KIAA1549L: variants seen among roughly 807,000 people sequenced by gnomAD.
The protein encoded by KIAA1549L is KIAA1549 like, also known as UPF0606 protein KIAA1549L.
KIAA1549L carries 88 observed loss-of-function variants against 160.7 expected under a neutral mutation model. The ratio of observed to expected loss-of-function variants is 0.55; its 90% CI spans 0.46 to 0.65. KIAA1549L has a LOEUF of 0.65. Ranked by LOEUF, KIAA1549L falls within the 30% of genes least tolerant of loss-of-function variation. KIAA1549L has a pLI of 0.00. For missense variants in KIAA1549L, 2,258 were observed against 2,437.5 expected (o/e 0.93, Z 1.55); for synonymous variants, 950 against 976.7 (o/e 0.97, Z 0.51).
At chr11:33,469,600 G>A (rs1294632719) in intron 1 of KIAA1549L, among the ~76,000 whole-genome samples, 4 of 152,188 alleles carry the variant, frequency 2.6e-5, no homozygotes, top group Non-Finnish European at 5.9e-5. Flanking sequence ...CTACCAAACT[G>A]TTTTGCAAAG....
chr11:33,600,398 A>G (rs1850325486), intron 13 of KIAA1549L, among the ~76,000 whole-genome samples: 1 of 152,104 alleles, frequency 6.6e-6, no homozygotes, highest in African/African-American at 2.4e-5. Context: ...GTGATAAGAG[A>G]GATGGGTAGA....
intron 1 of KIAA1549L, among the ~76,000 whole-genome samples, chr11:33,444,482 T>G (rs998654275): frequency 1.3e-5 from 2 of 152,224 alleles, no homozygotes; most frequent in Admixed American, 1.3e-4. Context: ...GCACTGGTAA[T>G]TGGTGTCAGC....
chr11:33,578,583 A>G (rs1474473066), intron 10 of KIAA1549L, among the ~76,000 whole-genome samples: 9 of 152,176 alleles, frequency 5.9e-5, no homozygotes, highest in Non-Finnish European at 1.0e-4. Context: ...CATTTTAGAA[A>G]AATACTTGCT....
intron 16 of KIAA1549L, among the ~76,000 whole-genome samples, chr11:33,642,520 A>G (rs1363002809): frequency 6.7e-6 from 1 of 149,814 alleles, no homozygotes; most frequent in Non-Finnish European, 1.5e-5. Flanking sequence ...TCGTTCCCCT[A>G]TTGGCTAAGG....
At chr11:33,629,882 A>C (rs1228319641) in intron 16 of KIAA1549L, among the ~76,000 whole-genome samples, 2 of 88,838 alleles carry the variant, frequency 2.3e-5, no homozygotes, top group Non-Finnish European at 4.1e-5. Context: ...TAGAGTTTCC[A>C]GTTTTTCTGC....
At chr11:33,467,314 A>G (rs1852084231) in intron 1 of KIAA1549L, among the ~76,000 whole-genome samples, 1 of 152,222 alleles carries the variant, frequency 6.6e-6, no homozygotes, top group African/African-American at 2.4e-5. Flanking sequence ...TTGTTCCATA[A>G]TAAGGCATGT....
chr11:33,651,894 C>CCCCTT (rs2133421587), intron 17 of KIAA1549L, among the ~76,000 whole-genome samples: 1 of 76,856 alleles, frequency 1.3e-5, no homozygotes, highest in East Asian at 6.4e-4. Context: ...CTCCCCTCCC[C>CCCCTT]CCCTTCCCCT....
chr11:33,645,832 C>T lies in KIAA1549L; in HGVS notation c.5556C>T (p.His1852=), dbSNP rs769680839. The T allele has an allele frequency of 1.8e-5, 29 of 1,613,802 alleles. No individual in the cohort carries two copies. The East Asian group carries it at 6.0e-4, about 33-fold the overall frequency. Residue 1852 remains histidine, a synonymous_variant, in exon 17 of 21, where the codon CAC becomes CAT. Coordinates refer to ENST00000658780, the MANE Select transcript of KIAA1549L (RefSeq NM_012194.3). ...TCGACGAGGTCAGGCAGCAGATGCACATGCTGCTGGAGGAGGCCTTCAGCC... is the reference window on the plus strand; with the variant it reads ...TCGACGAGGTCAGGCAGCAGATGCATATGCTGCTGGAGGAGGCCTTCAGCC... ...PSIDEVRQQM[H]MLLEEAFSLA...
At chr11:33,643,087 C>T (rs748750971) in intron 16 of KIAA1549L, among the ~76,000 whole-genome samples, 11 of 152,146 alleles carry the variant, frequency 7.2e-5, no homozygotes, top group Non-Finnish European at 1.2e-4. Context: ...GTGGCCGCAT[C>T]AAGCCTGTGG....
rs757475102 is a variant in KIAA1549L, at chr11:33,568,186, C to A, written c.4189C>A (p.Arg1397=). ...LFMMSQQQGR[R]FKRATTLGSY... ...CATGATGTCCCAGCAACAAGGCCGG[C>A]GGTTTAAACGGGCCACCACCCTGGG... Residue 1397 remains arginine (R), a synonymous_variant, in exon 9 of 21, where the codon CGG becomes AGG. Coordinates refer to ENST00000658780, the MANE Select transcript of KIAA1549L (RefSeq NM_012194.3). 3.7e-6 allele frequency: 6 copies of A among 1,613,222 alleles called. 1 individual carries two copies. The South Asian group carries it at 6.6e-5, about 18-fold the overall frequency.
At chr11:33,400,759 C>T (rs1389026818) in intron 1 of KIAA1549L, among the ~76,000 whole-genome samples, 1 of 152,210 alleles carries the variant, frequency 6.6e-6, no homozygotes, top group Admixed American at 6.5e-5. Context: ...ATAGTTTCCA[C>T]TTATTCTGCC....
At chr11:33,534,411 G>T (rs1853846369) in intron 1 of KIAA1549L, among the ~76,000 whole-genome samples, 2 of 151,872 alleles carry the variant, frequency 1.3e-5, no homozygotes, top group Non-Finnish European at 2.9e-5. Context: ...CAATTTTTTT[G>T]AAGACTATTA....
At chr11:33,556,616 A>G (rs910454405) in intron 6 of KIAA1549L, among the ~76,000 whole-genome samples, 1 of 152,244 alleles carries the variant, frequency 6.6e-6, no homozygotes, top group Admixed American at 6.5e-5. Flanking sequence ...CAAATACTAT[A>G]TGATTTCTCT....
intron 16 of KIAA1549L, among the ~76,000 whole-genome samples, chr11:33,636,699 ATTG>A (rs1443416760): frequency 5.9e-5 from 9 of 152,168 alleles, no homozygotes; most frequent in Non-Finnish European, 1.2e-4. Flanking sequence ...ATTATTAGCT[ATTG>A]TTGTTAATTT....
intron 6 of KIAA1549L, among the ~76,000 whole-genome samples, chr11:33,553,330 G>A (rs975254707): frequency 8.2e-5 from 12 of 147,048 alleles, no homozygotes; most frequent in African/African-American, 2.8e-4. Context: ...TTGCAACTAC[G>A]TAGATATCAT....
At chr11:33,472,186 G>A (rs1852192537) in intron 1 of KIAA1549L, among the ~76,000 whole-genome samples, 1 of 149,240 alleles carries the variant, frequency 6.7e-6, no homozygotes, top group Admixed American at 6.7e-5. Context: ...CTAGACTTGA[G>A]TACAGTGCAG....
At chr11:33,619,819 TA>T (rs548665605) in intron 16 of KIAA1549L, among the ~76,000 whole-genome samples, 4 of 152,332 alleles carry the variant, frequency 2.6e-5, no homozygotes, top group East Asian at 3.9e-4. Flanking sequence ...TTTCTCCTTA[TA>T]AAAAAATATT....
chr11:33,412,368 T>TA (rs1296357765), intron 1 of KIAA1549L, among the ~76,000 whole-genome samples: 1 of 152,228 alleles, frequency 6.6e-6, no homozygotes, highest in African/African-American at 2.4e-5. Flanking sequence ...AATAATTACA[T>TA]GTATTGTTCT....
chr11:33,622,710 T>C (rs932934791), intron 16 of KIAA1549L, among the ~76,000 whole-genome samples: 4 of 152,156 alleles, frequency 2.6e-5, no homozygotes, highest in Non-Finnish European at 4.4e-5. Context: ...GGAGGTTGCC[T>C]GTCCATTACC....
Sources: gnomAD v4.1 joint callset for allele counts (sites outside exome capture counted in the v4.1 genomes callset) on GRCh38, gnomAD v4.1.1 for gene constraint, MANE v1.5 for transcripts, NCBI Gene and HGNC (gene_info 2026-07-23, HGNC 2026-07-21) for gene names.